Variants in ZNF148 observed in about 807,000 individuals in gnomAD.
ZNF148 encodes Beta-Enolase Repressor Factor-1.
Under a neutral mutation model 67.7 loss-of-function variants are expected in ZNF148, and 7 were observed. The observed-to-expected ratio is 0.10, with a 90% CI of 0.06 to 0.19. The LOEUF (loss-of-function observed/expected upper bound fraction) is 0.19, where lower values mean the gene tolerates loss of function less well. Ranked by LOEUF, ZNF148 falls within the 10% of genes least tolerant of loss-of-function variation. The probability of loss-of-function intolerance (pLI) is 1.00; values close to 1 mark genes in which losing one functional copy is unlikely to be tolerated. For synonymous variants in ZNF148, 333 were observed against 330.7 expected (o/e 1.01, Z -0.08); for missense variants, 583 against 947.1 (o/e 0.62, Z 5.05).
At chr3:125,260,978 C>A (rs577163389) in intron 7 of ZNF148, among the ~76,000 whole-genome samples, 3 of 152,122 alleles carry the variant, frequency 2.0e-5, no homozygotes, top group Non-Finnish European at 2.9e-5. Flanking sequence ...CTGAATTTCT[C>A]GTCTGATTAC....
At chr3:125,253,365 T>C (rs946542794) in intron 7 of ZNF148, among the ~76,000 whole-genome samples, 1 of 152,194 alleles carries the variant, frequency 6.6e-6, no homozygotes, top group African/African-American at 2.4e-5. Flanking sequence ...CTATAAATTA[T>C]CTGCAAGTTA....
At chr3:125,265,052 G>A (rs372034724) in intron 7 of ZNF148, among the ~76,000 whole-genome samples, 2 of 152,196 alleles carry the variant, frequency 1.3e-5, no homozygotes, top group Non-Finnish European at 2.9e-5. Context: ...AATATTCCAA[G>A]AACAGCTTTC....
chr3:125,297,488 C>A (rs1223852923), intron 4 of ZNF148, among the ~76,000 whole-genome samples: 1 of 145,708 alleles, frequency 6.9e-6, no homozygotes, highest in Middle Eastern at 3.2e-3. Flanking sequence ...AAAAGACCCA[C>A]CAGAGTCAGA....
intron 3 of ZNF148, among the ~76,000 whole-genome samples, chr3:125,319,079 C>T (rs1295948527): frequency 1.3e-5 from 2 of 152,130 alleles, no homozygotes; most frequent in African/African-American, 4.8e-5. Context: ...ACTGCAGTGG[C>T]TTAGGTAACC....
chr3:125,363,620 A>G (rs906079975), intron 1 of ZNF148, among the ~76,000 whole-genome samples: 1 of 149,962 alleles, frequency 6.7e-6, no homozygotes, highest in South Asian at 2.1e-4. Context: ...TTTTATTCCC[A>G]CTATGACTAC....
At chr3:125,262,303 T>C (rs1290639620) in intron 7 of ZNF148, among the ~76,000 whole-genome samples, 1 of 152,290 alleles carries the variant, frequency 6.6e-6, no homozygotes, top group African/African-American at 2.4e-5. Context: ...AATTAAAGAG[T>C]AGGCAGAGTT....
intron 2 of ZNF148, among the ~76,000 whole-genome samples, chr3:125,327,091 C>G (rs1941062115): frequency 6.6e-6 from 1 of 151,932 alleles, no homozygotes; most frequent in East Asian, 1.9e-4. Flanking sequence ...GAAGCAGTAA[C>G]TGTAAGAGAC....
intron 1 of ZNF148, among the ~76,000 whole-genome samples, chr3:125,361,690 C>T (rs1942546541): frequency 2.0e-5 from 3 of 152,122 alleles, no homozygotes; most frequent in Admixed American, 1.3e-4. Context: ...GAAAATTAGC[C>T]GGACATGGCG....
At chr3:125,358,731 A>AT (rs1478040272) in intron 1 of ZNF148, among the ~76,000 whole-genome samples, 1 of 152,210 alleles carries the variant, frequency 6.6e-6, no homozygotes, top group Middle Eastern at 3.2e-3. Context: ...ACAAATTTTA[A>AT]TATTATATGT....
intron 2 of ZNF148, among the ~76,000 whole-genome samples, chr3:125,324,189 A>C (rs79803106): frequency 3.3e-5 from 5 of 151,946 alleles, no homozygotes; most frequent in African/African-American, 4.8e-5. Flanking sequence ...AATAATAAAA[A>C]AAATAAAAAG....
intron 1 of ZNF148, among the ~76,000 whole-genome samples, chr3:125,360,211 T>C (rs946863063): frequency 6.6e-6 from 1 of 152,190 alleles, no homozygotes; most frequent in African/African-American, 2.4e-5. Context: ...TATCAGCTTC[T>C]CCATGTTCTA....
intron 1 of ZNF148, among the ~76,000 whole-genome samples, chr3:125,348,697 T>C (rs1430364595): frequency 1.3e-5 from 2 of 152,142 alleles, no homozygotes; most frequent in Non-Finnish European, 2.9e-5. Flanking sequence ...ACAGATTCAA[T>C]ACGATCTCAA....
At chr3:125,361,173 T>C (rs998308885) in intron 1 of ZNF148, among the ~76,000 whole-genome samples, 2 of 152,164 alleles carry the variant, frequency 1.3e-5, no homozygotes, top group Admixed American at 6.5e-5. Flanking sequence ...TACCTGGCTT[T>C]TCCTGGACAA....
At chr3:125,320,611 C>T (rs116007646) in intron 3 of ZNF148, among the ~76,000 whole-genome samples, 1 of 152,172 alleles carries the variant, frequency 6.6e-6, no homozygotes, top group Non-Finnish European at 1.5e-5. Context: ...ACCTAATCAT[C>T]ATCGTCTTTT....
chr3:125,357,885 C>T (rs146461740), intron 1 of ZNF148: 1 of 152,340 alleles, frequency 6.6e-6, no homozygotes, highest in African/African-American at 2.4e-5. Context: ...AATCCTTCCT[C>T]TTACTCTAAC....
At chr3:125,349,847 C>A (rs1942074222) in intron 1 of ZNF148, among the ~76,000 whole-genome samples, 1 of 152,154 alleles carries the variant, frequency 6.6e-6, no homozygotes, top group Non-Finnish European at 1.5e-5. Flanking sequence ...TCTCAAAAAA[C>A]AAACAGACTT....
chr3:125,278,426 GTCTAC>G (rs1408440114), intron 6 of ZNF148, among the ~76,000 whole-genome samples: 1 of 152,068 alleles, frequency 6.6e-6, no homozygotes, highest in Non-Finnish European at 1.5e-5. Flanking sequence ...TAAAAGAGTA[GTCTAC>G]TCTAAGTCAA....
intron 4 of ZNF148, among the ~76,000 whole-genome samples, chr3:125,297,383 G>A (rs1939340556): frequency 6.6e-6 from 1 of 152,000 alleles, no homozygotes; most frequent in Non-Finnish European, 1.5e-5. Flanking sequence ...TGTTGGGACA[G>A]GCAAAAATTT....
chr3:125,250,461 G>A (rs974567858), intron 7 of ZNF148, among the ~76,000 whole-genome samples: 3 of 152,114 alleles, frequency 2.0e-5, no homozygotes, highest in Non-Finnish European at 2.9e-5. Context: ...TTATCTCAGA[G>A]CATCCCTGAG....
Sources: allele counts gnomAD v4.1 joint callset (sites outside exome capture counted in the v4.1 genomes callset), GRCh38; gene constraint gnomAD v4.1.1; transcripts MANE v1.5; gene names NCBI Gene and HGNC (gene_info 2026-07-23, HGNC 2026-07-21).